Variants in LIPC observed in about 807,000 individuals in gnomAD.
The protein encoded by LIPC is lipase C, hepatic type.
Under a neutral mutation model 50.7 loss-of-function variants are expected in LIPC, and 44 were observed. The ratio of observed to expected loss-of-function variants is 0.87; its 90% CI spans 0.68 to 1.11. The LOEUF (loss-of-function observed/expected upper bound fraction) is 1.11, where lower values mean the gene tolerates loss of function less well. LIPC is among the 50% of genes most tolerant of loss of function. LIPC has a pLI of 0.00. For missense variants in LIPC, 697 were observed against 648.2 expected (o/e 1.08, Z -0.82); for synonymous variants, 271 against 256.4 (o/e 1.06, Z -0.54).
intron 1 of LIPC, among the ~76,000 whole-genome samples, chr15:58,468,278 G>A (rs534903919): frequency 1.3e-5 from 2 of 152,120 alleles, no homozygotes; most frequent in African/African-American, 4.8e-5. Flanking sequence ...TTCCCCAGCA[G>A]CGCCTCTCAG....
intron 1 of LIPC, among the ~76,000 whole-genome samples, chr15:58,482,544 A>G (rs1891224884): frequency 6.6e-6 from 1 of 152,176 alleles, no homozygotes; most frequent in Non-Finnish European, 1.5e-5. Context: ...GGTTGTTATA[A>G]GGGTAAGAAA....
chr15:58,499,297 G>T (rs1453113625), intron 1 of LIPC, among the ~76,000 whole-genome samples: 1 of 152,206 alleles, frequency 6.6e-6, no homozygotes, highest in African/African-American at 2.4e-5. Context: ...AAAAGAGGCT[G>T]AGTCTACTTT....
intron 1 of LIPC, among the ~76,000 whole-genome samples, chr15:58,530,151 C>T (rs868562100): frequency 2.0e-5 from 3 of 152,232 alleles, no homozygotes; most frequent in South Asian, 2.1e-4. Flanking sequence ...TGCAGCGACG[C>T]TGCATGGTCT....
rs577925019 is a variant in LIPC at position 58,534,659 on chromosome 15, C to A, written c.89-3674C>A. Among the ~76,000 whole-genome samples, 5 of 152,126 alleles carry A rather than the reference C, an allele frequency of 3.3e-5. No individual in the cohort carries two copies. The East Asian group carries it at 9.7e-4, about 29-fold the overall frequency. ...GGGAAACCATCTTGGGTTTCAGGAC[C>A]AAAAAAGTGTGAGTGCCTGGCCACC... On this transcript the variant is annotated intron_variant, in intron 1 of 8. Coordinates refer to ENST00000299022, the MANE Select transcript of LIPC (RefSeq NM_000236.3).
intron 6 of LIPC, among the ~76,000 whole-genome samples, chr15:58,554,136 C>T (rs1202733658): frequency 6.6e-6 from 1 of 152,134 alleles, no homozygotes; most frequent in East Asian, 1.9e-4. Context: ...AATTCAATAA[C>T]CTGATCTTGT....
At chr15:58,511,312 G>A (rs1892324538) in intron 1 of LIPC, among the ~76,000 whole-genome samples, 1 of 152,138 alleles carries the variant, frequency 6.6e-6, no homozygotes, top group Non-Finnish European at 1.5e-5. Flanking sequence ...TGGGGAGGGA[G>A]TGTGGTGAAA....
At chr15:58,466,963 C>G (rs1383661734) in intron 1 of LIPC, among the ~76,000 whole-genome samples, 1 of 152,036 alleles carries the variant, frequency 6.6e-6, no homozygotes, top group African/African-American at 2.4e-5. Flanking sequence ...TTTCAGACAC[C>G]CATTGTCTTG....
intron 1 of LIPC, among the ~76,000 whole-genome samples, chr15:58,462,695 C>T (rs1483946329): frequency 6.6e-6 from 1 of 152,194 alleles, no homozygotes; most frequent in Non-Finnish European, 1.5e-5. Flanking sequence ...CACCTGCACA[C>T]AGCCCTTGAC....
At chr15:58,550,373 T>C (rs915341707) in intron 6 of LIPC, among the ~76,000 whole-genome samples, 6 of 152,002 alleles carry the variant, frequency 3.9e-5, no homozygotes, top group Non-Finnish European at 1.5e-5. Context: ...AAGGGAAGCA[T>C]CAAGAGAAGG....
intron 1 of LIPC, among the ~76,000 whole-genome samples, chr15:58,437,578 T>C (rs1893348335): frequency 1.3e-5 from 2 of 152,122 alleles, no homozygotes; most frequent in African/African-American, 4.8e-5. Flanking sequence ...TACAGTTAGA[T>C]TGGTCATCCC....
At chr15:58,455,798 G>A (rs1273270328) in intron 1 of LIPC, among the ~76,000 whole-genome samples, 1 of 152,098 alleles carries the variant, frequency 6.6e-6, no homozygotes, top group Non-Finnish European at 1.5e-5. Flanking sequence ...TACCTTGATA[G>A]CAATGAAATG....
intron 1 of LIPC, among the ~76,000 whole-genome samples, chr15:58,528,648 G>T (rs553104979): frequency 6.6e-6 from 1 of 152,282 alleles, no homozygotes; most frequent in African/African-American, 2.4e-5. Context: ...GGGACTACAG[G>T]CACGCACCAC....
At chr15:58,480,629 C>A (rs1891155115) in intron 1 of LIPC, among the ~76,000 whole-genome samples, 1 of 152,230 alleles carries the variant, frequency 6.6e-6, no homozygotes, top group Admixed American at 6.5e-5. Context: ...CTTGTCCAAC[C>A]TTCAGCCCAG....
intron 1 of LIPC, among the ~76,000 whole-genome samples, chr15:58,465,431 T>C (rs1894518361): frequency 6.6e-6 from 1 of 152,232 alleles, no homozygotes; most frequent in Admixed American, 6.5e-5. Flanking sequence ...AAGAGTTCCA[T>C]TAAATTCCAC....
At chr15:58,464,789 A>G (rs1446756873) in intron 1 of LIPC, among the ~76,000 whole-genome samples, 1 of 152,226 alleles carries the variant, frequency 6.6e-6, no homozygotes, top group Non-Finnish European at 1.5e-5. Flanking sequence ...CTTGGGCAAC[A>G]TGGTGAAACT....
chr15:58,568,787 G>C lies in LIPC; in HGVS notation c.1460G>C (p.Cys487Ser). The change falls in exon 9 of 9, where the codon TGT (cysteine) becomes TCT (serine). Residue 487 changes from cysteine to serine, a missense_variant. Cys to Ser is a moderately radical substitution (Grantham distance 112). Coordinates refer to ENST00000299022, the MANE Select transcript of LIPC (RefSeq NM_000236.3). ...ACCCAGGAAAAAATCTTCGTGAAAT[G>C]TGAAATAAAGTCTAAAACATCAAAG... ...RPTQEKIFVKCEIKSKTSKRK... is the reference protein window; with the variant it reads ...RPTQEKIFVKSEIKSKTSKRK... 1.2e-6 allele frequency: 2 copies of C among 1,609,862 alleles called. No individual in the cohort carries two copies. The highest frequency in any genetic ancestry group is 1.7e-6 in the Non-Finnish European group (2 of 1,176,832).
At chr15:58,451,900 C>T (rs751508913) in intron 1 of LIPC, among the ~76,000 whole-genome samples, 11 of 152,112 alleles carry the variant, frequency 7.2e-5, no homozygotes, top group Non-Finnish European at 1.6e-4. Context: ...GAGCAGACCT[C>T]GTGAGTGTGG....
At chr15:58,485,004 G>C (rs1014431744) in intron 1 of LIPC, among the ~76,000 whole-genome samples, 116 of 152,282 alleles carry the variant, frequency 7.6e-4, no homozygotes, top group African/African-American at 2.6e-3. Context: ...CTCAAGAAGA[G>C]GCTAAAACAT....
intron 1 of LIPC, among the ~76,000 whole-genome samples, chr15:58,515,938 T>C (rs983880409): frequency 4.6e-5 from 7 of 152,190 alleles, no homozygotes; most frequent in Non-Finnish European, 1.0e-4. Flanking sequence ...TTTCCATTAC[T>C]TCATCTCACT....
Sources: gnomAD v4.1 joint callset for allele counts (sites outside exome capture counted in the v4.1 genomes callset) on GRCh38, gnomAD v4.1.1 for gene constraint, MANE v1.5 for transcripts, NCBI Gene and HGNC (gene_info 2026-07-23, HGNC 2026-07-21) for gene names.